DOCK3: variants seen among roughly 807,000 people sequenced by gnomAD.
DOCK3 encodes the protein dedicator of cytokinesis protein 3.
A neutral mutation model predicts 265.6 loss-of-function variants in DOCK3; 60 were observed. The observed-to-expected ratio is 0.23, with a 90% CI of 0.18 to 0.28. The LOEUF (loss-of-function observed/expected upper bound fraction) is 0.28, where lower values mean the gene tolerates loss of function less well. DOCK3 is among the 10% of genes least tolerant of loss of function. The pLI is 1.00. For missense variants in DOCK3, 1,981 were observed against 2,594.3 expected, an observed-to-expected ratio of 0.76 and a Z score of 5.14; for synonymous variants, 881 against 938.0, an observed-to-expected ratio of 0.94 and a Z score of 1.11.
At chr3:51,130,863 A>G (rs554165060) in intron 9 of DOCK3, among the ~76,000 whole-genome samples, 1 of 152,046 alleles carries the variant, frequency 6.6e-6, no homozygotes, top group South Asian at 2.1e-4. Context: ...GCGCGCCACC[A>G]CACCCAACTA....
intron 3 of DOCK3, among the ~76,000 whole-genome samples, chr3:50,856,039 G>T (rs558976135): frequency 1.3e-5 from 2 of 152,324 alleles, no homozygotes; most frequent in Admixed American, 1.3e-4. Context: ...TGGCTGCATA[G>T]TATTCCATGG....
At chr3:50,763,404 T>G (rs1488582271) in intron 1 of DOCK3, among the ~76,000 whole-genome samples, 1 of 152,156 alleles carries the variant, frequency 6.6e-6, no homozygotes, top group East Asian at 1.9e-4. Flanking sequence ...TGCCTCAGCC[T>G]CCTGAGTAGC....
intron 1 of DOCK3, among the ~76,000 whole-genome samples, chr3:50,767,913 C>G (rs1446872273): frequency 8.6e-4 from 1 of 1,158 alleles, no homozygotes; most frequent in East Asian, 0.083. Context: ...TGATTTGGCT[C>G]TCTGTCCGTT....
At chr3:51,273,008 A>G (rs2080594389) in intron 24 of DOCK3, among the ~76,000 whole-genome samples, 1 of 151,938 alleles carries the variant, frequency 6.6e-6, no homozygotes, top group Non-Finnish European at 1.5e-5. Context: ...CTAAAAATAC[A>G]AAATTTAGCC....
chr3:50,886,519 T>C (rs1197170513), intron 3 of DOCK3, among the ~76,000 whole-genome samples: 1 of 151,224 alleles, frequency 6.6e-6, no homozygotes, highest in Non-Finnish European at 1.5e-5. Flanking sequence ...TAACTGGTCA[T>C]CTAGCATTAG....
At chr3:50,710,382 A>T (rs940545229) in intron 1 of DOCK3, among the ~76,000 whole-genome samples, 1 of 152,226 alleles carries the variant, frequency 6.6e-6, no homozygotes, top group Non-Finnish European at 1.5e-5. Flanking sequence ...TCAAAAGACG[A>T]TATACAAATG....
intron 2 of DOCK3, among the ~76,000 whole-genome samples, chr3:50,824,394 A>G (rs1391760377): frequency 6.6e-6 from 1 of 151,924 alleles, no homozygotes; most frequent in Non-Finnish European, 1.5e-5. Context: ...GTTTTTGCCT[A>G]CTCCTGGGTC....
chr3:50,921,165 T>A (rs1027390416), intron 4 of DOCK3, among the ~76,000 whole-genome samples: 9 of 152,192 alleles, frequency 5.9e-5, no homozygotes, highest in Non-Finnish European at 7.3e-5. Flanking sequence ...GTGCTTTACT[T>A]CCAGTTATGT....
At chr3:50,828,517 G>A (rs2044916869) in intron 2 of DOCK3, among the ~76,000 whole-genome samples, 1 of 151,876 alleles carries the variant, frequency 6.6e-6, no homozygotes, top group South Asian at 2.1e-4. Context: ...AAATTCTCAT[G>A]CCTCAGCCTC....
At chr3:50,965,907 A>G (rs1158550401) in intron 5 of DOCK3, among the ~76,000 whole-genome samples, 1 of 152,162 alleles carries the variant, frequency 6.6e-6, no homozygotes, top group Admixed American at 6.5e-5. Context: ...GTCAGCACAC[A>G]TGTTGTGCAT....
intron 19 of DOCK3, 58 bp downstream of exon 19, chr3:51,229,667 T>C: frequency 7.7e-7 from 1 of 1,307,116 alleles, no homozygotes; most frequent in South Asian, 2.0e-5. Flanking sequence ...GCAGAAGACC[T>C]TACTTTGTCA....
At chr3:51,260,908 C>T (rs1440064999) in intron 23 of DOCK3, among the ~76,000 whole-genome samples, 3 of 151,704 alleles carry the variant, frequency 2.0e-5, no homozygotes, top group Admixed American at 6.6e-5. Flanking sequence ...TGCTTGAACC[C>T]GGGAGGCAGA....
At chr3:51,297,382 C>G (rs1427008268) in intron 27 of DOCK3, among the ~76,000 whole-genome samples, 1 of 152,016 alleles carries the variant, frequency 6.6e-6, no homozygotes, top group Non-Finnish European at 1.5e-5. Flanking sequence ...GCTTCAAAGG[C>G]TACCATCAAG....
chr3:50,887,117 A>C (rs1413620011), intron 3 of DOCK3, among the ~76,000 whole-genome samples: 1 of 152,084 alleles, frequency 6.6e-6, no homozygotes, highest in Non-Finnish European at 1.5e-5. Context: ...GACTGCTAGC[A>C]AGACTAATAA....
chr3:51,219,411 A>C (rs1274623731), intron 14 of DOCK3, among the ~76,000 whole-genome samples: 1 of 152,164 alleles, frequency 6.6e-6, no homozygotes. Context: ...AATCCTCATC[A>C]GCCTCACCTT....
chr3:51,114,953 T>G (rs2083671411), intron 9 of DOCK3, among the ~76,000 whole-genome samples: 1 of 152,202 alleles, frequency 6.6e-6, no homozygotes. Context: ...GGTTTCCATC[T>G]TCATTCATGT....
chr3:51,227,504 C>G, intron 16 of DOCK3, 59 bp downstream of exon 16: 1 of 1,596,946 alleles, frequency 6.3e-7, no homozygotes, highest in Non-Finnish European at 8.5e-7. Flanking sequence ...ACTCTCTCCT[C>G]TCTTGAACAG....
Position 51,237,564 on chromosome 3 carries a change from G to A in DOCK3, c.2076G>A (p.Lys692=), listed in dbSNP as rs2078403317. 1 of 1,613,412 alleles carries A rather than the reference G, an allele frequency of 6.2e-7. No individual in the cohort carries two copies. Among genetic ancestry groups the A allele is most frequent in the Non-Finnish European group, 8.5e-7 (1 of 1,179,766 alleles). Residue 692 remains lysine, a synonymous_variant, in exon 21 of 53, where the codon AAG becomes AAA. Transcript: ENST00000266037. ...FRPVMDTYIQ[K]HFAGALAYKE... ...CTGTGATGGACACGTATATCCAGAA[G>A]CACTTTGCTGGAGCTCTGGCATACA... is the stretch of plus-strand genomic sequence containing the variant.
intron 7 of DOCK3, among the ~76,000 whole-genome samples, chr3:51,079,692 T>A (rs1183625839): frequency 6.6e-6 from 1 of 152,112 alleles, no homozygotes; most frequent in African/African-American, 2.4e-5. Context: ...GAGGAAGTCC[T>A]TAGTGCTCTT....
Sources: allele counts gnomAD v4.1 joint callset (sites outside exome capture counted in the v4.1 genomes callset), GRCh38; gene constraint gnomAD v4.1.1; transcripts MANE v1.5; gene names NCBI Gene and HGNC (gene_info 2026-07-23, HGNC 2026-07-21).